The following CREB5 variants were observed in gnomAD, a reference collection of about 807,000 sequenced individuals.
CREB5 encodes cyclic AMP-responsive element-binding protein 5.
CREB5 carries 19 observed loss-of-function variants against 57.1 expected under a neutral mutation model. The observed-to-expected ratio is 0.33, with a 90% confidence interval of 0.23 to 0.49. The LOEUF (loss-of-function observed/expected upper bound fraction) is 0.49, where lower values mean the gene tolerates loss of function less well. Among genes scored for constraint, CREB5 ranks in the 20% least tolerant of loss-of-function variants. The pLI, the probability that CREB5 is intolerant of heterozygous loss-of-function variation, is 0.99. For synonymous variants in CREB5, 238 were observed against 238.3 expected (o/e 1.00, Z 0.01); for missense variants, 579 against 671.6 (o/e 0.86, Z 1.52).
intron 5 of CREB5, among the ~76,000 whole-genome samples, chr7:28,666,367 C>T (rs941045830): frequency 6.6e-6 from 1 of 152,044 alleles, no homozygotes; most frequent in Non-Finnish European, 1.5e-5. Context: ...GGGCTAGATC[C>T]CTGTTCTTAT....
chr7:28,618,521 GT>G (rs1170370317), intron 5 of CREB5, among the ~76,000 whole-genome samples: 1 of 152,180 alleles, frequency 6.6e-6, no homozygotes, highest in Non-Finnish European at 1.5e-5. Context: ...CACCCACACA[GT>G]AAACAGTTGT....
chr7:28,406,801 C>A (rs974389844), intron 1 of CREB5, among the ~76,000 whole-genome samples: 5 of 152,224 alleles, frequency 3.3e-5, no homozygotes, highest in Non-Finnish European at 5.9e-5. Context: ...AACACAGGGG[C>A]TCTGCCAGCG....
At chr7:28,332,540 C>G (rs1785736191) in intron 1 of CREB5, among the ~76,000 whole-genome samples, 1 of 152,148 alleles carries the variant, frequency 6.6e-6, no homozygotes, top group South Asian at 2.1e-4. Flanking sequence ...GCTACATACA[C>G]TTGGAAGTAT....
At chr7:28,749,773 G>T (rs1348317492) in intron 7 of CREB5, among the ~76,000 whole-genome samples, 1 of 151,966 alleles carries the variant, frequency 6.6e-6, no homozygotes, top group Non-Finnish European at 1.5e-5. Flanking sequence ...AGGTTGCTAG[G>T]GGTACCTAAT....
chr7:28,612,026 C>A (rs1274788211), intron 5 of CREB5, among the ~76,000 whole-genome samples: 1 of 152,132 alleles, frequency 6.6e-6, no homozygotes, highest in African/African-American at 2.4e-5. Flanking sequence ...GGAAGGACAC[C>A]ACGTAGTCAG....
At position 28,647,165 on chromosome 7, in the gene CREB5, A is replaced by T. The variant is rs1220472651; in HGVS notation, c.465-71588A>T. 4.0e-5 allele frequency among the ~76,000 whole-genome samples: 6 copies of T among 151,542 alleles called. No homozygotes were observed. In the East Asian group the frequency reaches 1.2e-3, roughly 31 times the overall value. ...ATCAGAGTAGCTCCAGATGACCAGCAGTGATGGTGGCCAGTGGCCAGACAC... is the reference window on the plus strand; with the variant it reads ...ATCAGAGTAGCTCCAGATGACCAGCTGTGATGGTGGCCAGTGGCCAGACAC... On this transcript the variant is annotated intron_variant, in intron 5 of 10. Coordinates refer to ENST00000357727, the MANE Select transcript of CREB5 (RefSeq NM_182898.4).
chr7:28,544,716 T>A (rs886652803), intron 4 of CREB5, among the ~76,000 whole-genome samples: 3 of 152,172 alleles, frequency 2.0e-5, no homozygotes, highest in African/African-American at 7.2e-5. Context: ...CCTGTAGAAC[T>A]GACCTTTGGG....
chr7:28,338,849 A>C (rs939190992), intron 1 of CREB5, among the ~76,000 whole-genome samples: 4 of 151,852 alleles, frequency 2.6e-5, no homozygotes, highest in African/African-American at 7.3e-5. Flanking sequence ...GTATTTTCAA[A>C]TAGTGTGTCT....
intron 1 of CREB5, among the ~76,000 whole-genome samples, chr7:28,393,859 G>A (rs1057105010): frequency 1.3e-5 from 2 of 152,118 alleles, no homozygotes; most frequent in Non-Finnish European, 2.9e-5. Context: ...TGGATCACCT[G>A]AGGTCAGGAG....
chr7:28,791,891 T>C (rs1210073800), intron 7 of CREB5, among the ~76,000 whole-genome samples: 3 of 152,204 alleles, frequency 2.0e-5, no homozygotes, highest in Non-Finnish European at 4.4e-5. Flanking sequence ...ATTACTTGTG[T>C]TGTAGGCAGT....
At chr7:28,803,041 TGAC>T (rs1808464296) in intron 7 of CREB5, among the ~76,000 whole-genome samples, 1 of 152,270 alleles carries the variant, frequency 6.6e-6, no homozygotes, top group Non-Finnish European at 1.5e-5. Context: ...AAGAAAATAC[TGAC>T]TATCTGACTC....
At chr7:28,801,945 C>T (rs967404008) in intron 7 of CREB5, among the ~76,000 whole-genome samples, 8 of 151,660 alleles carry the variant, frequency 5.3e-5, no homozygotes, top group Non-Finnish European at 1.0e-4. Flanking sequence ...ATTAGCTGGG[C>T]ATGGTGGCAC....
At chr7:28,684,832 T>G (rs1248795796) in intron 5 of CREB5, among the ~76,000 whole-genome samples, 2 of 152,206 alleles carry the variant, frequency 1.3e-5, no homozygotes, top group African/African-American at 4.8e-5. Flanking sequence ...GTTACTTTTT[T>G]CTTTTTGAAG....
At chr7:28,556,618 GATAAA>G (rs1379550581) in intron 4 of CREB5, among the ~76,000 whole-genome samples, 1 of 152,098 alleles carries the variant, frequency 6.6e-6, no homozygotes, top group African/African-American at 2.4e-5. Flanking sequence ...ATATACTGGT[GATAAA>G]ATAAAAATAA....
chr7:28,560,899 T>TGTGTGC lies in CREB5; in HGVS notation c.292-9465_292-9464insTGTGCG, dbSNP rs1554344452. On this transcript the variant is annotated intron_variant, in intron 4 of 10. Coordinates refer to ENST00000357727, the MANE Select transcript of CREB5 (RefSeq NM_182898.4). ...GCGTGCGTGCGTGCGTGTGTGTGCG[T>TGTGTGC]GCGCGCGTGCGTGTGCGTGTGTGCG... 7.5e-4 allele frequency among the ~76,000 whole-genome samples: 14 copies of TGTGTGC among 18,666 alleles called. 2 individuals are homozygous for TGTGTGC. The East Asian group carries it at 0.015, about 20-fold the overall frequency. The allele number at this position is 18,666 out of a possible 152,430, so 12.2% of individuals were successfully genotyped here. A position where few individuals can be genotyped will look rare whatever the true frequency, so the allele number is the denominator to read the frequency against.
intron 5 of CREB5, among the ~76,000 whole-genome samples, chr7:28,595,773 A>G (rs1320708114): frequency 6.6e-6 from 1 of 152,142 alleles, no homozygotes; most frequent in Non-Finnish European, 1.5e-5. Flanking sequence ...TAATTGAGAG[A>G]TCATATTTCA....
chr7:28,414,993 C>A (rs906391973), intron 1 of CREB5, among the ~76,000 whole-genome samples: 5 of 151,536 alleles, frequency 3.3e-5, no homozygotes, highest in African/African-American at 9.8e-5. Flanking sequence ...CACTGTATTG[C>A]CTTCCCCCTC....
At chr7:28,455,312 C>T (rs1790044265) in intron 1 of CREB5, among the ~76,000 whole-genome samples, 1 of 152,134 alleles carries the variant, frequency 6.6e-6, no homozygotes, top group African/African-American at 2.4e-5. Context: ...AGGAATCAGA[C>T]AAACAGAGCA....
chr7:28,687,660 C>CA (rs1450853635), intron 5 of CREB5, among the ~76,000 whole-genome samples: 2 of 151,706 alleles, frequency 1.3e-5, no homozygotes, highest in Non-Finnish European at 2.9e-5. Flanking sequence ...CAGCTGGATG[C>CA]ATATTGAGGC....
Sources: allele counts gnomAD v4.1 joint callset (sites outside exome capture counted in the v4.1 genomes callset), GRCh38; gene constraint gnomAD v4.1.1; transcripts MANE v1.5; gene names NCBI Gene and HGNC (gene_info 2026-07-23, HGNC 2026-07-21).